Variants in UQCRC1 observed in about 807,000 individuals in gnomAD.
UQCRC1 encodes the protein ubiquinol-cytochrome c reductase core protein 1, also known as cytochrome b-c1 complex subunit 1, mitochondrial.
A neutral mutation model predicts 58.0 loss-of-function variants in UQCRC1; 34 were observed. That is an observed-to-expected ratio of 0.59 (90% CI 0.45 to 0.78). The LOEUF (loss-of-function observed/expected upper bound fraction) is 0.78. UQCRC1 is among the 30% of genes least tolerant of loss of function. The probability of loss-of-function intolerance (pLI) is 0.00; values close to 1 mark genes in which losing one functional copy is unlikely to be tolerated. For missense variants in UQCRC1, 610 were observed against 646.0 expected (o/e 0.94, Z 0.60); for synonymous variants, 276 against 248.8 (o/e 1.11, Z -1.03).
chr3:48,600,347 AG>A, intron 10 of UQCRC1, 134 bp downstream of exon 10: 2 of 1,181,734 alleles, frequency 1.7e-6, no homozygotes. Flanking sequence ...TGCATCTCCA[AG>A]GGTGGGGTGA....
Position 48,600,580 on chromosome 3 carries a change from G to C in UQCRC1, c.1128-13C>G. Reference sequence around the variant, plus strand: ...ACACAGGCGCATCCTAAAGTGGGGGGGTGGGTGGTATTCATTCTGAGCCAG... The same window carrying C: ...ACACAGGCGCATCCTAAAGTGGGGGCGTGGGTGGTATTCATTCTGAGCCAG... On this transcript the variant is annotated splice_polypyrimidine_tract_variant and intron_variant, in intron 9 of 12. Transcript: ENST00000203407. 2 of 1,614,074 alleles carry C rather than the reference G, an allele frequency of 1.2e-6. No individual in the cohort carries two copies. The highest frequency in any genetic ancestry group is 1.7e-6 in the Non-Finnish European group (2 of 1,179,982).
chr3:48,601,653 C>T (rs2046367456), intron 6 of UQCRC1, among the ~76,000 whole-genome samples, 186 bp from the exon 7 acceptor site: 1 of 152,222 alleles, frequency 6.6e-6, no homozygotes, highest in Non-Finnish European at 1.5e-5. Context: ...ACAGGACAGG[C>T]ACCTCAGGGC....
At chr3:48,607,509 C>T (rs1186671105) in intron 2 of UQCRC1, among the ~76,000 whole-genome samples, 1 of 151,462 alleles carries the variant, frequency 6.6e-6, no homozygotes, top group East Asian at 1.9e-4. Flanking sequence ...TTATGGGGTA[C>T]AAGCACAATT....
At position 48,604,331 on chromosome 3, in the gene UQCRC1, A is replaced by C. The variant is rs1041686179; in HGVS notation, c.528T>G (p.Asp176Glu). The C allele has an allele frequency of 6.2e-7, 1 of 1,614,176 alleles. No individual in the cohort carries two copies. The highest frequency in any genetic ancestry group is 8.5e-7 in the Non-Finnish European group (1 of 1,180,042). ...TAAAGACCACATCTCGCATAGATGC[A>C]TCATTCTCCTGCATCTCCCGCAGGA... ...DVILREMQEN[D>E]ASMRDVVFNY... Residue 176 changes from aspartate to glutamate, a missense_variant, in exon 5 of 13, where the codon GAT (aspartate) becomes GAG (glutamate). By Grantham distance (45) the Asp-to-Glu change is conservative. Coordinates refer to ENST00000203407, the MANE Select transcript of UQCRC1 (RefSeq NM_003365.3).
chr3:48,607,191 G>A (rs2046421442), intron 2 of UQCRC1, among the ~76,000 whole-genome samples: 2 of 151,938 alleles, frequency 1.3e-5, no homozygotes, highest in South Asian at 2.1e-4. Flanking sequence ...ACAGGCGCCC[G>A]CCACCACGCC....
intron 5 of UQCRC1, chr3:48,604,010 G>A (rs2046389186): frequency 1.7e-6 from 1 of 605,820 alleles, no homozygotes; most frequent in Non-Finnish European, 2.9e-6. Context: ...GGACTGTCAG[G>A]ACATGCACCA....
chr3:48,605,661 T>A, intron 3 of UQCRC1, 109 bp downstream of exon 3: 2 of 1,092,040 alleles, frequency 1.8e-6, no homozygotes, highest in Non-Finnish European at 2.7e-6. Flanking sequence ...CAGCCAGACA[T>A]CAGCCCCGCA....
chr3:48,607,411 G>A (rs1017909674), intron 2 of UQCRC1, among the ~76,000 whole-genome samples: 5 of 152,224 alleles, frequency 3.3e-5, no homozygotes, highest in African/African-American at 4.8e-5. Context: ...TCTTGACCTC[G>A]TGATCCGCCT....
chr3:48,601,809 A>T (rs1357846075), intron 6 of UQCRC1, among the ~76,000 whole-genome samples: 1 of 152,188 alleles, frequency 6.6e-6, no homozygotes, highest in Admixed American at 6.5e-5. Context: ...CTGGGCACAA[A>T]GCCACCTGGC....
intron 2 of UQCRC1, among the ~76,000 whole-genome samples, chr3:48,606,940 C>A (rs2046418506): frequency 6.6e-6 from 1 of 151,844 alleles, no homozygotes. Context: ...GCTCACTCAA[C>A]CTCTGCTTCC....
chr3:48,607,218 T>C (rs2046422235), intron 2 of UQCRC1, among the ~76,000 whole-genome samples: 1 of 152,166 alleles, frequency 6.6e-6, no homozygotes, highest in African/African-American at 2.4e-5. Context: ...ATTTTTTGTA[T>C]TTTTAGTAGA....
Position 48,600,070 on chromosome 3 carries a change from C to T in UQCRC1, c.1295G>A (p.Arg432Gln), listed in dbSNP as rs753634982. The change falls in exon 11 of 13, where the codon CGG (arginine) becomes CAG (glutamine). Residue 432 changes from arginine (R) to glutamine (Q), a missense_variant. Transcript: ENST00000203407. Reference sequence around the variant, plus strand: ...CCCAGGGGTCCATGTTACCGCAATCCGGCTTTCCCATTCAGCCAGGGGGAT... The same window carrying T: ...CCCAGGGGTCCATGTTACCGCAATCTGGCTTTCCCATTCAGCCAGGGGGAT... ...RRIPLAEWES[R>Q]IAEVDASVVR... is the part of the protein sequence containing the mutation. The T allele has an allele frequency of 9.3e-6, 15 of 1,614,042 alleles. No homozygotes were observed. Among genetic ancestry groups the T allele is most frequent in the Admixed American group, 3.3e-5 (2 of 60,002 alleles).
rs369826016 is a variant in UQCRC1 at position 48,600,722 on chromosome 3, C to T, written c.1085G>A (p.Arg362Gln). 56 of 1,614,056 alleles carry T rather than the reference C, an allele frequency of 3.5e-5. No homozygotes were observed. Among genetic ancestry groups the T allele is most frequent in the African/African-American group, 6.7e-5 (5 of 74,936 alleles). Residue 362 changes from arginine (R) to glutamine (Q), a missense_variant, in exon 9 of 13, where the codon CGA (arginine) becomes CAA (glutamine). By Grantham distance (43) the Arg-to-Gln change is conservative. Transcript: ENST00000203407. ...GAACATCATGTCATCGATTTTCATT[C>T]GGTCACAGACAAAGTGTGCACCCAG... ...GLLGAHFVCD[R>Q]MKIDDMMFVL...
chr3:48,606,984 G>GAGTAGCTGGA (rs2046418888), intron 2 of UQCRC1, among the ~76,000 whole-genome samples: 1 of 150,826 alleles, frequency 6.6e-6, no homozygotes, highest in South Asian at 2.1e-4. Flanking sequence ...TCAGCCTCCC[G>GAGTAGCTGGA]AGTAGCTGGA....
rs752621708 is a variant in UQCRC1 at position 48,605,779 on chromosome 3, C to T, written c.288G>A (p.Leu96=). The T allele has an allele frequency of 4.3e-6, 7 of 1,613,514 alleles. No homozygotes were observed. The highest frequency in any genetic ancestry group is 5.9e-6 in the Non-Finnish European group (7 of 1,179,772). ...ACTTTAAGAGCCTCACCTTGAAAGC[C>T]AGATGCTCCAAAAAGTAGCCTGCCC... The part of the protein sequence containing the change: ...NNGAGYFLEH[L]AFKGTKNRPG... The change falls in exon 3 of 13, where the codon CTG becomes CTA. Residue 96 remains leucine, a synonymous_variant. Coordinates refer to ENST00000203407, the MANE Select transcript of UQCRC1 (RefSeq NM_003365.3).
In UQCRC1 at chr3:48,604,710, T is replaced by C. The variant is rs1575513721; in HGVS notation, c.368A>G (p.Tyr123Cys). ...VESMGAHLNA[Y>C]STREHTAYYI... is the part of the protein sequence containing the mutation. ...GTAAGCTGTGTGCTCCCGGGTGCTG[T>C]AGGCATTAAGATGGGCCCCCATGCT... The change falls in exon 4 of 13, where the codon TAC (tyrosine) becomes TGC (cysteine). Residue 123 changes from tyrosine (Y) to cysteine (C), a missense_variant. Transcript: ENST00000203407. The C allele has an allele frequency of 1.2e-6, 2 of 1,614,146 alleles. No homozygotes were observed. Among genetic ancestry groups the C allele is most frequent in the Non-Finnish European group, 8.5e-7 (1 of 1,180,018 alleles).
In UQCRC1 at chr3:48,605,327, T is replaced by C. The variant is rs530812527; in HGVS notation, c.297+443A>G. On this transcript the variant is annotated intron_variant, in intron 3 of 12. Transcript: ENST00000203407. ...CATTGCAGCTGGCTAGGTTGCCTACTATGGCTCCATGGCCCTGCCCACCCC... is the reference window on the plus strand; with the variant it reads ...CATTGCAGCTGGCTAGGTTGCCTACCATGGCTCCATGGCCCTGCCCACCCC... Among the ~76,000 whole-genome samples the C allele has an allele frequency of 5.3e-5, 8 of 152,370 alleles. No individual in the cohort carries two copies. The East Asian group carries it at 1.5e-3, about 29-fold the overall frequency.
Position 48,601,056 on chromosome 3 carries a change from G to A in UQCRC1, c.885C>T (p.Gly295=). The change falls in exon 8 of 13, where the codon GGC becomes GGT. Residue 295 remains glycine, a synonymous_variant. Coordinates refer to ENST00000203407, the MANE Select transcript of UQCRC1 (RefSeq NM_003365.3). ...AGGCCACATTGTCCGGGCTGGCCCA[G>A]CCAGGACCCTCTACTGCAATGGCCA... ...AHVAIAVEGP[G]WASPDNVALQ... The A allele has an allele frequency of 6.2e-7, 1 of 1,610,982 alleles. No individual in the cohort carries two copies. The highest frequency in any genetic ancestry group is 8.5e-7 in the Non-Finnish European group (1 of 1,177,410).
At position 48,601,394 on chromosome 3, in the gene UQCRC1, G is replaced by A. The variant is rs139418683; in HGVS notation, c.780C>T (p.Asp260=). 3.1e-6 allele frequency: 5 copies of A among 1,614,082 alleles called. No homozygotes were observed. In the African/African-American group the frequency reaches 4.0e-5, roughly 13 times the overall value. ...LGGIPWTYAE[D]AVPTLTPCRF... ...GGCATGGAGTAAGAGTGGGCACAGC[G>A]TCCTCTGCATATGTCCATGGGATGC... The change falls in exon 7 of 13, where the codon GAC becomes GAT. Residue 260 remains aspartate, a synonymous_variant. Transcript: ENST00000203407.
Sources: gnomAD v4.1 joint callset for allele counts (sites outside exome capture counted in the v4.1 genomes callset) on GRCh38, gnomAD v4.1.1 for gene constraint, MANE v1.5 for transcripts, NCBI Gene and HGNC (gene_info 2026-07-23, HGNC 2026-07-21) for gene names.